CMTM1: variants seen among roughly 807,000 people sequenced by gnomAD.
CMTM1 encodes the protein CKLF like MARVEL transmembrane domain containing 1, also known as CKLF-like MARVEL transmembrane domain-containing protein 1.
Under a neutral mutation model 17.8 loss-of-function variants are expected in CMTM1, and 16 were observed. The ratio of observed to expected loss-of-function variants is 0.90; its 90% CI spans 0.61 to 1.37. The LOEUF (loss-of-function observed/expected upper bound fraction) is 1.37, where lower values mean the gene tolerates loss of function less well. Among genes scored for constraint, CMTM1 ranks in the 40% most tolerant of loss-of-function variants. The probability of loss-of-function intolerance (pLI) is 0.00; values close to 1 mark genes in which losing one functional copy is unlikely to be tolerated. For synonymous variants in CMTM1, 169 were observed against 154.6 expected (o/e 1.09, Z -0.69); for missense variants, 354 against 375.6 (o/e 0.94, Z 0.47).
rs761010246 is a variant in CMTM1, at chr16:66,566,773, C to T, written c.260C>T (p.Pro87Leu). 3 of 1,613,250 alleles carry T rather than the reference C, an allele frequency of 1.9e-6. No homozygotes were observed. The highest frequency in any genetic ancestry group is 2.7e-5 in the African/African-American group (2 of 74,872). Residue 87 changes from proline to leucine, a missense_variant, in exon 1 of 4, where the codon CCA becomes CTA. Physicochemically the swap from Pro to Leu is moderately conservative, Grantham distance 98 (BLOSUM62 -3). Coordinates refer to ENST00000379500, the MANE Select transcript of CMTM1 (RefSeq NM_052999.4). This position sits in a 1 kb window ranked among gnomAD's most constrained non-coding sequence, Gnocchi z 4.9. ...PSRKATTRPP[P>L]KPTLPPPTPS... Reference sequence around the variant, plus strand: ...AGGAAAGCCACCACACGCCCACCCCCAAAGCCCACACTCCCACCCCCCACG... The same window carrying T: ...AGGAAAGCCACCACACGCCCACCCCTAAAGCCCACACTCCCACCCCCCACG...
Position 66,579,123 on chromosome 16 carries a change from CT to C in CMTM1, c.*126del. On this transcript the variant is annotated 3_prime_UTR_variant, in exon 4 of 4. Coordinates refer to ENST00000379500, the MANE Select transcript of CMTM1 (RefSeq NM_052999.4). This position sits in a 1 kb window ranked among gnomAD's most constrained non-coding sequence, Gnocchi z 6.5. ...TGTGACCATAAAATTAGGGCTGCTG[CT>C]TTTATCGAGAACACCTGCTTCCTCT... The C allele has an allele frequency of 1.5e-6, 2 of 1,321,614 alleles. No individual in the cohort carries two copies. Among genetic ancestry groups the C allele is most frequent in the Non-Finnish European group, 2.0e-6 (2 of 988,106 alleles). The allele number at this position is 1,321,614 out of a possible 1,614,324, so 81.9% of individuals were successfully genotyped here. A position where few individuals can be genotyped will look rare whatever the true frequency, so the allele number is the denominator to read the frequency against.
At position 66,579,052 on chromosome 16, in the gene CMTM1, C is replaced by G. The variant is rs1488068512; in HGVS notation, c.*51C>G. On this transcript the variant is annotated 3_prime_UTR_variant, in exon 4 of 4. Transcript: ENST00000379500. The surrounding 1 kb of genome is among the most constrained non-coding windows in gnomAD (Gnocchi z 6.5). Reference sequence around the variant, plus strand: ...CACGTGTCTGTCGAATCGCTGCCTCCGAGCCCACCCCCGAGCTCGCATGCT... The same window carrying G: ...CACGTGTCTGTCGAATCGCTGCCTCGGAGCCCACCCCCGAGCTCGCATGCT... 1 of 1,592,110 alleles carries G rather than the reference C, an allele frequency of 6.3e-7. No homozygotes were observed. The highest frequency in any genetic ancestry group is 8.5e-7 in the Non-Finnish European group (1 of 1,170,960).
At chr16:66,573,935 C>T (rs1322815956) in intron 2 of CMTM1, among the ~76,000 whole-genome samples, 3 of 151,896 alleles carry the variant, frequency 2.0e-5, no homozygotes, top group African/African-American at 7.3e-5. Context: ...GATCCACCCA[C>T]CTCAGCCTCC....
chr16:66,567,548 G>A (rs1248873493), intron 1 of CMTM1: 1 of 156,932 alleles, frequency 6.4e-6, no homozygotes, highest in East Asian at 1.9e-4. Context: ...TCTTTATCCA[G>A]TCTATCATTG....
intron 2 of CMTM1, among the ~76,000 whole-genome samples, chr16:66,570,505 T>C (rs2013349145): frequency 6.6e-6 from 1 of 152,210 alleles, no homozygotes; most frequent in Non-Finnish European, 1.5e-5. Flanking sequence ...TTGTAGAAAA[T>C]TGCCGTGCAT....
At chr16:66,576,790 C>G (rs944950661) in intron 2 of CMTM1, among the ~76,000 whole-genome samples, 7 of 152,162 alleles carry the variant, frequency 4.6e-5, no homozygotes, top group African/African-American at 1.7e-4. Flanking sequence ...GGGATAGGCC[C>G]CTTGACCACC....
intron 3 of CMTM1, among the ~76,000 whole-genome samples, chr16:66,578,048 T>C (rs1479506600): frequency 3.9e-5 from 6 of 152,170 alleles, no homozygotes; most frequent in Non-Finnish European, 5.9e-5. Context: ...AAAAGCTCAT[T>C]AAGCAGCCAG....
intron 1 of CMTM1, among the ~76,000 whole-genome samples, chr16:66,569,330 T>C (rs953830440): frequency 5.3e-5 from 8 of 152,156 alleles, no homozygotes; most frequent in African/African-American, 1.9e-4. Context: ...ATGGGAGACA[T>C]AAACAGTCTG....
At chr16:66,576,243 C>T (rs1235937183) in intron 2 of CMTM1, among the ~76,000 whole-genome samples, 3 of 152,044 alleles carry the variant, frequency 2.0e-5, no homozygotes, top group African/African-American at 7.2e-5. Context: ...CTAAAAAATA[C>T]AAAAATTAGC....
At position 66,577,171 on chromosome 16, in the gene CMTM1, A is replaced by G; in HGVS notation, c.659A>G (p.Lys220Arg). The change falls in exon 3 of 4, where the codon AAG (lysine) becomes AGG (arginine). Residue 220 changes from lysine to arginine, a missense_variant. Transcript: ENST00000379500. ...SVVAILAMQE[K>R]KRRHLLYVGG... ...GTTGCCATCTTGGCCATGCAAGAAA[A>G]GAAAAGAAGGCATTTACTCTATGTC... is the stretch of plus-strand genomic sequence containing the variant. 6.2e-7 allele frequency: 1 copy of G among 1,614,062 alleles called. No individual in the cohort carries two copies. Among genetic ancestry groups the G allele is most frequent in the South Asian group, 1.1e-5 (1 of 91,076 alleles).
intron 2 of CMTM1, among the ~76,000 whole-genome samples, chr16:66,576,408 AAAG>A (rs1333647758): frequency 6.6e-6 from 1 of 152,164 alleles, no homozygotes; most frequent in East Asian, 1.9e-4. Context: ...CAAAAAAAAA[AAAG>A]AACTCAGGAC....
At chr16:66,573,932 C>T (rs1399122515) in intron 2 of CMTM1, among the ~76,000 whole-genome samples, 2 of 151,938 alleles carry the variant, frequency 1.3e-5, no homozygotes, top group East Asian at 3.9e-4. Context: ...GGTGATCCAC[C>T]CACCTCAGCC....
chr16:66,566,491 C>A lies in CMTM1; in HGVS notation c.-23C>A. 1 of 1,563,230 alleles carries A rather than the reference C, an allele frequency of 6.4e-7. No individual in the cohort carries two copies. Among genetic ancestry groups the A allele is most frequent in the Non-Finnish European group, 8.6e-7 (1 of 1,156,978 alleles). Reference sequence around the variant, plus strand: ...GCCGCTGCCGCGGCACTGGTTCAGACGGCCAGGCCCTAGGGACCCACCATG... The same window carrying A: ...GCCGCTGCCGCGGCACTGGTTCAGAAGGCCAGGCCCTAGGGACCCACCATG... On this transcript the variant is annotated 5_prime_UTR_variant, in exon 1 of 4. Transcript: ENST00000379500. This position sits in a 1 kb window ranked among gnomAD's most constrained non-coding sequence, Gnocchi z 4.9.
intron 1 of CMTM1, among the ~76,000 whole-genome samples, chr16:66,568,049 T>C (rs2012860853): frequency 1.3e-5 from 2 of 152,208 alleles, no homozygotes; most frequent in South Asian, 4.1e-4. Context: ...TACTCTAACT[T>C]TGTCAAAGAA....
intron 3 of CMTM1, among the ~76,000 whole-genome samples, chr16:66,577,565 A>G (rs774197695): frequency 6.6e-6 from 1 of 152,022 alleles, no homozygotes; most frequent in Admixed American, 6.6e-5. Context: ...GTAAGGGGGG[A>G]AAAGTGCACT....
Position 66,572,833 on chromosome 16 carries a change from C to A in CMTM1, c.591+2739C>A, listed in dbSNP as rs116582811. Among the ~76,000 whole-genome samples the A allele has an allele frequency of 4.0e-3, 612 of 152,262 alleles. 4 individuals carry two copies. Among genetic ancestry groups the A allele is most frequent in the African/African-American group, 0.014 (596 of 41,544 alleles). ...GGATAGAGTTCCTTATTTCCCTATT[C>A]CGATTATTGTTTGAAAAAGGGGTGA... On this transcript the variant is annotated intron_variant, in intron 2 of 3. Coordinates refer to ENST00000379500, the MANE Select transcript of CMTM1 (RefSeq NM_052999.4).
Position 66,578,948 on chromosome 16 carries a change from G to A in CMTM1, c.808G>A (p.Ala270Thr), listed in dbSNP as rs776846320. ...GVEVERKLSP[A>T]KDAYPETGPD... ...CGAAGTTGAAAGGAAGCTTTCCCCC[G>A]CCAAGGACGCCTACCCCGAAACCGG... Residue 270 changes from alanine (A) to threonine (T), a missense_variant, in exon 4 of 4, where the codon GCC (alanine) becomes ACC (threonine). Ala to Thr is a moderately conservative substitution (Grantham distance 58). Transcript: ENST00000379500. 4 of 1,614,026 alleles carry A rather than the reference G, an allele frequency of 2.5e-6. No homozygotes were observed. In the East Asian group the frequency reaches 6.7e-5, roughly 27 times the overall value.
chr16:66,573,756 G>A (rs754294389), intron 2 of CMTM1, among the ~76,000 whole-genome samples: 23 of 143,294 alleles, frequency 1.6e-4, no homozygotes, highest in African/African-American at 4.7e-4. Flanking sequence ...GCACGATCTC[G>A]GCTCACTGCA....
chr16:66,567,199 G>A (rs1458708368), intron 1 of CMTM1: 2 of 560,010 alleles, frequency 3.6e-6, no homozygotes, highest in African/African-American at 2.1e-5. Context: ...GGGTACATGT[G>A]TAGAACGTGC....
Sources: allele counts gnomAD v4.1 joint callset (sites outside exome capture counted in the v4.1 genomes callset), GRCh38; gene constraint gnomAD v4.1.1; non-coding constraint Gnocchi (gnomAD v3.1); transcripts MANE v1.5; gene names NCBI Gene and HGNC (gene_info 2026-07-23, HGNC 2026-07-21).